SLC14A2: variants seen among roughly 807,000 people sequenced by gnomAD.
SLC14A2 encodes the protein solute carrier family 14 member 2.
SLC14A2 carries 91 observed loss-of-function variants against 104.6 expected under a neutral mutation model. The observed-to-expected ratio is 0.87, with a 90% CI of 0.73 to 1.04. The LOEUF (loss-of-function observed/expected upper bound fraction) is 1.04, where lower values mean the gene tolerates loss of function less well. SLC14A2 is among the 50% of genes least tolerant of loss of function. SLC14A2 has a pLI of 0.00. For synonymous variants in SLC14A2, 476 were observed against 466.4 expected (o/e 1.02, Z -0.27); for missense variants, 1,189 against 1,156.0 (o/e 1.03, Z -0.41).
At chr18:45,269,665 T>A (rs909688269) in intron 1 of SLC14A2, among the ~76,000 whole-genome samples, 1 of 152,168 alleles carries the variant, frequency 6.6e-6, no homozygotes, top group East Asian at 1.9e-4. Flanking sequence ...GCGCGTACTA[T>A]GTGCTTCCCA....
In SLC14A2 at chr18:45,585,892, G is replaced by A. The variant is rs549289190; in HGVS notation, c.-34-38739G>A. Among the ~76,000 whole-genome samples the A allele has an allele frequency of 4.6e-5, 7 of 152,242 alleles. No individual in the cohort carries two copies. In the South Asian group the frequency reaches 6.2e-4, roughly 14 times the overall value. On this transcript the variant is annotated intron_variant, in intron 2 of 20. Coordinates refer to the SLC14A2 transcript ENST00000586448. ...AGCAGAACTGGTTACACCCTATCTC[G>A]CACTTAGAGCAGGTTCGAGGGTTCC...
chr18:45,367,432 G>T (rs2085677209), intron 1 of SLC14A2, among the ~76,000 whole-genome samples: 1 of 152,090 alleles, frequency 6.6e-6, no homozygotes, highest in African/African-American at 2.4e-5. Context: ...ACAAGGAAAA[G>T]AAAAGAAAAA....
At position 45,228,474 on chromosome 18, in the gene SLC14A2, G is replaced by A. The variant is rs572303433; in HGVS notation, c.-125+15283G>A. 2.4e-4 allele frequency among the ~76,000 whole-genome samples: 37 copies of A among 152,200 alleles called. No homozygotes were observed. In the South Asian group the frequency reaches 7.3e-3, roughly 30 times the overall value. On this transcript the variant is annotated intron_variant, in intron 1 of 20. Coordinates refer to the SLC14A2 transcript ENST00000586448. ...TTGTCTCTGGGGTTCTTCCAGACTG[G>A]ACTCTGTAGGGCTATTGTAGTCTCT...
chr18:45,251,920 A>G (rs1390637260), intron 1 of SLC14A2, among the ~76,000 whole-genome samples: 1 of 152,228 alleles, frequency 6.6e-6, no homozygotes, highest in Non-Finnish European at 1.5e-5. Context: ...TGATGATGAC[A>G]GAGTCTCTCC....
chr18:45,199,318 C>T, the SLC14A2 span, among the ~76,000 whole-genome samples: 1 of 152,060 alleles, frequency 6.6e-6, no homozygotes, highest in South Asian at 2.1e-4. Flanking sequence ...CTCTTTTAGA[C>T]CCTCTTCCCA....
intron 1 of SLC14A2, among the ~76,000 whole-genome samples, chr18:45,270,655 T>C (rs2084642449): frequency 6.6e-6 from 1 of 152,172 alleles, no homozygotes; most frequent in African/African-American, 2.4e-5. Context: ...ATCTCTATCA[T>C]AACAATAACT....
Position 45,219,696 on chromosome 18 carries a change from T to C in SLC14A2, c.-125+6505T>C, listed in dbSNP as rs145115772. ...CATAACTTAGTAAATTTCTTATTGT[T>C]TGTCTTTAACCTGCGTTTTTAAACT... On this transcript the variant is annotated intron_variant, in intron 1 of 20. Coordinates refer to the SLC14A2 transcript ENST00000586448. 2.9e-4 allele frequency among the ~76,000 whole-genome samples: 44 copies of C among 152,354 alleles called. 1 individual carries two copies. The highest frequency in any genetic ancestry group is 5.7e-4 in the Non-Finnish European group (39 of 68,032).
At chr18:45,277,650 C>A (rs561089890) in intron 1 of SLC14A2, among the ~76,000 whole-genome samples, 6 of 152,284 alleles carry the variant, frequency 3.9e-5, no homozygotes, top group African/African-American at 1.4e-4. Flanking sequence ...CTCAAGCAAT[C>A]CACCCACCTT....
rs1458785037 is a variant in SLC14A2, at chr18:45,385,382, T to C, written c.-124-97851T>C. ...GTTTCCCTCTGGGTCAAAATCTTCC[T>C]AAGAAACACATCTCAGCCCTTCTTC... On this transcript the variant is annotated intron_variant, in intron 1 of 20. Coordinates refer to the SLC14A2 transcript ENST00000586448. Among the ~76,000 whole-genome samples the C allele has an allele frequency of 5.9e-5, 9 of 152,308 alleles. No individual in the cohort carries two copies. The East Asian group carries it at 9.6e-4, about 16-fold the overall frequency.
At chr18:45,281,985 C>T (rs2084767178) in intron 1 of SLC14A2, among the ~76,000 whole-genome samples, 1 of 152,156 alleles carries the variant, frequency 6.6e-6, no homozygotes, top group Non-Finnish European at 1.5e-5. Context: ...CCTCCTTTCC[C>T]ATGAAGCTGA....
At chr18:45,205,108 C>A in the SLC14A2 span, among the ~76,000 whole-genome samples, 2 of 152,180 alleles carry the variant, frequency 1.3e-5, no homozygotes, top group Non-Finnish European at 2.9e-5. Context: ...GACATAGGGA[C>A]CTCTCTGTGT....
chr18:45,414,755 AAAATATATATATATAT>A (rs1258509476), intron 1 of SLC14A2, among the ~76,000 whole-genome samples: 4 of 64,130 alleles, frequency 6.2e-5, no homozygotes, highest in Non-Finnish European at 8.3e-5. Flanking sequence ...AAAAAAAAAA[AAAATATATATATATAT>A]ATATATATAT....
At chr18:45,662,296 C>T (rs1402351203) in intron 10 of SLC14A2, among the ~76,000 whole-genome samples, 2 of 151,964 alleles carry the variant, frequency 1.3e-5, no homozygotes, top group African/African-American at 2.4e-5. Context: ...AGCAAGACTC[C>T]GTCTTAGAAA....
chr18:45,605,350 C>G (rs184026633), intron 2 of SLC14A2, among the ~76,000 whole-genome samples: 1 of 152,128 alleles, frequency 6.6e-6, no homozygotes, highest in African/African-American at 2.4e-5. Context: ...CTTTGGGGAC[C>G]ACTGGTTTTA....
At chr18:45,625,906 C>A in intron 3 of SLC14A2, 43 bp downstream of exon 3, 1 of 1,345,630 alleles carries the variant, frequency 7.4e-7, no homozygotes, top group Non-Finnish European at 9.7e-7. Context: ...CCAGGCCAGG[C>A]CAGAGAGACA....
intron 10 of SLC14A2, among the ~76,000 whole-genome samples, chr18:45,654,238 G>C (rs2045792539): frequency 6.6e-6 from 1 of 152,182 alleles, no homozygotes; most frequent in South Asian, 2.1e-4. Context: ...CAGGCAACAG[G>C]TTCAGGGAAC....
intron 1 of SLC14A2, among the ~76,000 whole-genome samples, chr18:45,347,480 T>C (rs1216483336): frequency 1.3e-5 from 2 of 152,182 alleles, no homozygotes; most frequent in Admixed American, 1.3e-4. Flanking sequence ...GAACCACTTA[T>C]CTCCACAAGA....
intron 1 of SLC14A2, among the ~76,000 whole-genome samples, chr18:45,310,431 G>A (rs1363515039): frequency 6.6e-6 from 1 of 152,132 alleles, no homozygotes; most frequent in African/African-American, 2.4e-5. Flanking sequence ...ATTTATATTA[G>A]CATGTAGAAA....
intron 1 of SLC14A2, among the ~76,000 whole-genome samples, chr18:45,452,072 G>A (rs1300813406): frequency 6.6e-6 from 1 of 151,924 alleles, no homozygotes; most frequent in Non-Finnish European, 1.5e-5. Context: ...GGGGACAGCT[G>A]GGGGGATATC....
Sources: gnomAD v4.1 joint callset for allele counts (sites outside exome capture counted in the v4.1 genomes callset) on GRCh38, gnomAD v4.1.1 for gene constraint, MANE v1.5 for transcripts, NCBI Gene and HGNC (gene_info 2026-07-23, HGNC 2026-07-21) for gene names.